TNK2: variants seen among roughly 807,000 people sequenced by gnomAD.
TNK2 encodes activated CDC42 kinase 1.
Under a neutral mutation model 101.8 loss-of-function variants are expected in TNK2, and 83 were observed. The ratio of observed to expected loss-of-function variants is 0.82; its 90% CI spans 0.68 to 0.98. The LOEUF (loss-of-function observed/expected upper bound fraction) is 0.98, where lower values mean the gene tolerates loss of function less well. Among genes scored for constraint, TNK2 ranks in the 50% least tolerant of loss-of-function variants. TNK2 has a pLI of 0.00. For missense variants in TNK2, 1,665 were observed against 1,483.2 expected, an observed-to-expected ratio of 1.12 and a Z score of -2.01; for synonymous variants, 804 against 633.0, an observed-to-expected ratio of 1.27 and a Z score of -4.06.
At chr3:195,895,248 G>GCGGT in intron 1 of TNK2, 1 of 1,542,882 alleles carries the variant, frequency 6.5e-7, no homozygotes, top group African/African-American at 1.4e-5. Flanking sequence ...CCCATTACCT[G>GCGGT]CGGTCCCTCC....
In TNK2 at chr3:195,888,371, G is replaced by A. The variant is rs1319218271; in HGVS notation, c.163+55C>T. The A allele has an allele frequency of 6.3e-7, 1 of 1,580,010 alleles. No homozygotes were observed. Among genetic ancestry groups the A allele is most frequent in the Non-Finnish European group, 8.6e-7 (1 of 1,157,310 alleles). ...CACCCGTGCACCGAGTGGTCCTGAG[G>A]ACAGAGGACGGAAAGGGTCAGGGGC... On this transcript the variant is annotated intron_variant, in intron 2 of 15. Coordinates refer to ENST00000672887, the MANE Select transcript of TNK2 (RefSeq NM_001382273.1). The surrounding 1 kb of genome is among the most constrained non-coding windows in gnomAD (Gnocchi z 5.3).
chr3:195,887,896 ATGCGTGTGTGCACGTGCATGCGTGCG>A (rs1560528426), intron 2 of TNK2, among the ~76,000 whole-genome samples: 3 of 125,494 alleles, frequency 2.4e-5, no homozygotes, highest in African/African-American at 4.8e-5. Flanking sequence ...ACGCACGTGC[ATGCGTGTGTGCACGTGCATGCGTGCG>A]TGCACGTGTG....
chr3:195,878,707 A>G lies in TNK2; in HGVS notation c.1015-115T>C. The G allele has an allele frequency of 6.9e-7, 1 of 1,443,078 alleles. No individual in the cohort carries two copies. 89.4% of individuals were successfully genotyped at this position (1,443,078 alleles called of 1,614,324 possible). A position where few individuals can be genotyped will look rare whatever the true frequency, so the allele number is the denominator to read the frequency against. ...CGGCTGCTGCCATGCCTGGCCTCCA[A>G]AGAAGGGATCTGCCTGCCTGGGAGG... On this transcript the variant is annotated intron_variant, in intron 7 of 15. Transcript: ENST00000672887. This position sits in a 1 kb window ranked among gnomAD's most constrained non-coding sequence, Gnocchi z 4.7.
rs1352811113 is a variant in TNK2, at chr3:195,868,419, G to C, written c.1879C>G (p.Leu627Val). The change falls in exon 13 of 16, where the codon CTG becomes GTG. Residue 627 changes from leucine to valine, a missense_variant. Around this residue, in one of 3 missense-constraint regions of TNK2, gnomAD observed 1,136 missense variants for 894.9 expected, o/e 1.27. Transcript: ENST00000672887. Reference sequence around the variant, plus strand: ...GGCGTGGGGTGCAGGGGCCGGGGCAGTGCCCGCGTGGGGCTCTGAGGCGGG... The same window carrying C: ...GGCGTGGGGTGCAGGGGCCGGGGCACTGCCCGCGTGGGGCTCTGAGGCGGG... ...ETPPQSPTRA[L>V]PRPLHPTPVV... The C allele has an allele frequency of 6.4e-7, 1 of 1,573,528 alleles. No individual in the cohort carries two copies. Among genetic ancestry groups the C allele is most frequent in the South Asian group, 1.1e-5 (1 of 87,988 alleles).
chr3:195,895,324 G>A (rs1760139717), intron 1 of TNK2: 8 of 1,574,776 alleles, frequency 5.1e-6, no homozygotes, highest in Middle Eastern at 3.3e-4. Context: ...CAGCGGCTGC[G>A]GTCAGGGAGA....
intron 10 of TNK2, 196 bp from the exon 11 acceptor site, chr3:195,870,401 A>G: frequency 6.9e-7 from 1 of 1,444,688 alleles, no homozygotes; most frequent in African/African-American, 1.4e-5. Flanking sequence ...CAGAGAAAGG[A>G]CACCTGACCC....
At chr3:195,897,716 G>C (rs1188769966) in intron 1 of TNK2, among the ~76,000 whole-genome samples, 1 of 151,780 alleles carries the variant, frequency 6.6e-6, no homozygotes, top group African/African-American at 2.4e-5. Flanking sequence ...TGCCCAGGTT[G>C]GTCTCAAACT....
At chr3:195,873,813 C>CGGCGGGGAGGCGGGG in intron 9 of TNK2, among the ~76,000 whole-genome samples, 2 of 148,314 alleles carry the variant, frequency 1.3e-5, no homozygotes, top group African/African-American at 4.9e-5. Context: ...GCACCACGGT[C>CGGCGGGGAGGCGGGG]GGCGGGGAGG....
Position 195,867,665 on chromosome 3 carries a change from G to T in TNK2, c.2633C>A (p.Pro878His), listed in dbSNP as rs746375967. Residue 878 changes from proline (P) to histidine (H), a missense_variant, in exon 13 of 16, where the codon CCC becomes CAC. Around this residue, in one of 3 missense-constraint regions of TNK2, gnomAD observed 1,136 missense variants for 894.9 expected, o/e 1.27. Coordinates refer to ENST00000672887, the MANE Select transcript of TNK2 (RefSeq NM_001382273.1). ...KVSSTHYYLLPERPSYLERYQ... is the reference protein window; with the variant it reads ...KVSSTHYYLLHERPSYLERYQ... ...GCGCTCCAGGTAGGATGGTCGCTCG[G>T]GCAGCAAGTAATAGTGGGTGCTGCT... 6.2e-7 allele frequency: 1 copy of T among 1,606,420 alleles called. No individual in the cohort carries two copies.
At chr3:195,875,437 G>A (rs1309721435) in intron 9 of TNK2, among the ~76,000 whole-genome samples, 1 of 147,490 alleles carries the variant, frequency 6.8e-6, no homozygotes, top group Non-Finnish European at 1.5e-5. Flanking sequence ...CCTCGGGATG[G>A]CGCCCACGCA....
At chr3:195,869,059 C>G (rs1460865303) in intron 12 of TNK2, 1 of 467,596 alleles carries the variant, frequency 2.1e-6, no homozygotes, top group Non-Finnish European at 3.8e-6. Context: ...GAGCCCTCAT[C>G]CCCGCCCCTG....
chr3:195,869,786 G>T (rs1743703080), intron 11 of TNK2: 2 of 596,292 alleles, frequency 3.4e-6, no homozygotes, highest in Non-Finnish European at 6.0e-6. Flanking sequence ...CCGGAGCCGT[G>T]GGGTGGTTTT....
intron 1 of TNK2, among the ~76,000 whole-genome samples, chr3:195,900,843 G>A (rs1761133631): frequency 6.6e-6 from 1 of 152,220 alleles, no homozygotes; most frequent in African/African-American, 2.4e-5. Flanking sequence ...TCCAGGGCTG[G>A]GCAGAGGCTG....
intron 1 of TNK2, among the ~76,000 whole-genome samples, chr3:195,903,574 G>T (rs748829290): frequency 6.6e-6 from 1 of 151,976 alleles, no homozygotes; most frequent in African/African-American, 2.4e-5. Flanking sequence ...AAAATTAGCC[G>T]GGTGTGGTGG....
At chr3:195,869,569 G>A (rs1324767167) in intron 11 of TNK2, 28 bp from the exon 12 acceptor site, 6 of 1,550,588 alleles carry the variant, frequency 3.9e-6, no homozygotes, top group Middle Eastern at 1.7e-4. Flanking sequence ...CGGACAGGGG[G>A]AGAGAGACGG....
intron 15 of TNK2, among the ~76,000 whole-genome samples, chr3:195,865,154 A>G (rs1280691370): frequency 1.3e-3 from 97 of 76,700 alleles, no homozygotes; most frequent in African/African-American, 2.1e-3. Context: ...TGCGTCCCAG[A>G]TGCAAATCAG....
At position 195,888,667 on chromosome 3, in the gene TNK2, A is replaced by G; in HGVS notation, c.-18-61T>C. 1 of 1,486,282 alleles carries G rather than the reference A, an allele frequency of 6.7e-7. No individual in the cohort carries two copies. Among genetic ancestry groups the G allele is most frequent in the Non-Finnish European group, 9.1e-7 (1 of 1,103,626 alleles). The allele number at this position is 1,486,282 out of a possible 1,614,324, so 92.1% of individuals were successfully genotyped here. On this transcript the variant is annotated intron_variant, in intron 1 of 15. Coordinates refer to ENST00000672887, the MANE Select transcript of TNK2 (RefSeq NM_001382273.1). The surrounding 1 kb of genome is among the most constrained non-coding windows in gnomAD (Gnocchi z 5.3). ...TGGGGGGACAACAGGGGCCTGCCCG[A>G]GTGACCTGGGCTCACCTTCATCCCA...
At position 195,905,629 on chromosome 3, in the gene TNK2, G is replaced by A. The variant is rs11924461; in HGVS notation, c.-19+2856C>T. Among the ~76,000 whole-genome samples, 201 of 151,452 alleles carry A rather than the reference G, an allele frequency of 1.3e-3. 1 individual carries two copies. Among genetic ancestry groups the A allele is most frequent in the African/African-American group, 4.7e-3 (193 of 41,226 alleles). On this transcript the variant is annotated intron_variant, in intron 1 of 15. Coordinates refer to ENST00000672887, the MANE Select transcript of TNK2 (RefSeq NM_001382273.1). ...GACATTGATTCATACCTTGCACCAC[G>A]TAACAAAAATTAACCCCAAACGAAT...
intron 1 of TNK2, chr3:195,894,565 T>C (rs2149791299): frequency 6.6e-6 from 1 of 152,084 alleles, no homozygotes; most frequent in East Asian, 1.9e-4. Context: ...CTATTTTTTT[T>C]TTTTCCGCCA....
Sources: gnomAD v4.1 joint callset for allele counts (sites outside exome capture counted in the v4.1 genomes callset) on GRCh38, gnomAD v4.1.1 for gene constraint, gnomAD v4.1.1 regional missense constraint, Gnocchi (gnomAD v3.1) non-coding constraint, MANE v1.5 for transcripts, NCBI Gene and HGNC (gene_info 2026-07-23, HGNC 2026-07-21) for gene names.